The following PDXK variants were observed in gnomAD, a reference collection of about 807,000 sequenced individuals.
PDXK encodes pyridoxal kinase.
A neutral mutation model predicts 43.2 loss-of-function variants in PDXK; 15 were observed. The ratio of observed to expected loss-of-function variants is 0.35; its 90% CI spans 0.23 to 0.53. The LOEUF (loss-of-function observed/expected upper bound fraction) is 0.53. Ranked by LOEUF, PDXK falls within the 20% of genes least tolerant of loss-of-function variation. The probability of loss-of-function intolerance (pLI) is 0.92; values close to 1 mark genes in which losing one functional copy is unlikely to be tolerated. For synonymous variants in PDXK, 172 were observed against 165.4 expected (o/e 1.04, Z -0.31); for missense variants, 343 against 417.0 (o/e 0.82, Z 1.54).
Position 43,758,339 on chromosome 21 carries a change from G to A in PDXK, c.*2276G>A, listed in dbSNP as rs1299241716. On this transcript the variant is annotated 3_prime_UTR_variant, in exon 11 of 11. Transcript: ENST00000291565. Reference sequence around the variant, plus strand: ...TCTTCTGTTTTCTTTGGCTGTATCAGCCGAACCAGGAGAGGCCTGGGCTGC... The same window carrying A: ...TCTTCTGTTTTCTTTGGCTGTATCAACCGAACCAGGAGAGGCCTGGGCTGC... 6.5e-6 allele frequency: 1 copy of A among 153,590 alleles called. No homozygotes were observed. The highest frequency in any genetic ancestry group is 1.9e-4 in the East Asian group (1 of 5,202). The allele number at this position is 153,590 out of a possible 1,614,324, so 9.5% of individuals were successfully genotyped here.
chr21:43,726,833 T>C (rs2083259028), intron 1 of PDXK, among the ~76,000 whole-genome samples: 1 of 151,988 alleles, frequency 6.6e-6, no homozygotes, highest in South Asian at 2.1e-4. Context: ...ACTGTGTGTG[T>C]ATGTGGGTGT....
At chr21:43,740,128 G>A (rs999123064) in intron 2 of PDXK, among the ~76,000 whole-genome samples, 3 of 152,072 alleles carry the variant, frequency 2.0e-5, no homozygotes, top group African/African-American at 7.2e-5. Context: ...GCCCCCAGGT[G>A]CACCCCCCAG....
intron 2 of PDXK, among the ~76,000 whole-genome samples, chr21:43,739,469 T>G (rs2083457194): frequency 6.6e-6 from 1 of 152,204 alleles, no homozygotes; most frequent in South Asian, 2.1e-4. Flanking sequence ...AAAGGTTTAA[T>G]GGACTCACAG....
Position 43,741,825 on chromosome 21 carries a change from G to A in PDXK, c.247+54G>A, listed in dbSNP as rs980515567. On this transcript the variant is annotated intron_variant, in intron 3 of 10. Coordinates refer to ENST00000291565, the MANE Select transcript of PDXK (RefSeq NM_003681.5). ...GACTACGCACCCCACTCCAGCCAGG[G>A]TGGGCTCAGGGAGGTCCAGAGCACC... The A allele has an allele frequency of 2.0e-5, 25 of 1,255,764 alleles. No homozygotes were observed. In the Admixed American group the frequency reaches 2.0e-4, roughly 10 times the overall value. 77.8% of individuals were successfully genotyped at this position (1,255,764 alleles called of 1,614,324 possible).
intron 8 of PDXK, among the ~76,000 whole-genome samples, chr21:43,753,141 C>T (rs890784719): frequency 1.3e-5 from 2 of 152,140 alleles, no homozygotes; most frequent in Non-Finnish European, 2.9e-5. Flanking sequence ...AATGCACATA[C>T]GGGCACACAC....
chr21:43,743,168 TC>T (rs1568985452), intron 3 of PDXK, among the ~76,000 whole-genome samples: 1 of 36,648 alleles, frequency 2.7e-5, no homozygotes, highest in African/African-American at 1.1e-4. Flanking sequence ...TCCCCCCAGC[TC>T]CTGAGCACTA....
At chr21:43,730,102 CTGAT>C (rs140082408) in intron 1 of PDXK, among the ~76,000 whole-genome samples, 2,269 of 151,756 alleles carry the variant, frequency 0.015, 57 homozygotes, top group African/African-American at 0.048. Context: ...TTGCTCATAT[CTGAT>C]TGATTGATTG....
At chr21:43,730,511 A>G (rs1018237797) in intron 1 of PDXK, among the ~76,000 whole-genome samples, 9 of 152,248 alleles carry the variant, frequency 5.9e-5, no homozygotes, top group Admixed American at 2.0e-4. Flanking sequence ...CAACCTGAGC[A>G]GGAAAGAGCT....
In PDXK at chr21:43,734,210, G is replaced by C. The variant is rs183056092; in HGVS notation, c.142+87G>C. 1.6e-6 allele frequency: 2 copies of C among 1,256,750 alleles called. No individual in the cohort carries two copies. The highest frequency in any genetic ancestry group is 2.3e-6 in the Non-Finnish European group (2 of 871,122). The allele number at this position is 1,256,750 out of a possible 1,614,324, so 77.8% of individuals were successfully genotyped here. The stretch of plus-strand genomic sequence containing the variant: ...GTGTGGGTGTGAGGGACGGGGCGGA[G>C]TGTGGGTGTGAGGGACGGGGCTTTC... On this transcript the variant is annotated intron_variant, in intron 2 of 10. Transcript: ENST00000291565. The surrounding 1 kb of genome is among the most constrained non-coding windows in gnomAD (Gnocchi z 5.0).
In PDXK at chr21:43,760,181, G is replaced by GT. The variant is rs546193405; in HGVS notation, c.*4131dup. ...AATCTTGGATTTTTTGTTTTTTTTTGTTTTTTTTTTTTTGAGGTGAAGTCT... is the reference window on the plus strand; with the variant it reads ...AATCTTGGATTTTTTGTTTTTTTTTGTTTTTTTTTTTTTTGAGGTGAAGTCT... On this transcript the variant is annotated 3_prime_UTR_variant, in exon 11 of 11. Coordinates refer to ENST00000291565, the MANE Select transcript of PDXK (RefSeq NM_003681.5). The GT allele has an allele frequency of 0.16, 23,960 of 147,818 alleles. 2,147 individuals are homozygous for GT. Among genetic ancestry groups the GT allele is most frequent in the Middle Eastern group, 0.32 (89 of 282 alleles). The allele number at this position is 147,818 out of a possible 1,614,324, so 9.2% of individuals were successfully genotyped here. A position where few individuals can be genotyped will look rare whatever the true frequency, so the allele number is the denominator to read the frequency against.
rs532886385 is a variant in PDXK at position 43,757,645 on chromosome 21, T to A, written c.*1582T>A. 3.3e-5 allele frequency: 5 copies of A among 152,082 alleles called. No homozygotes were observed. In the South Asian group the frequency reaches 1.0e-3, roughly 32 times the overall value. 9.4% of individuals were successfully genotyped at this position (152,082 alleles called of 1,614,324 possible). A position where few individuals can be genotyped will look rare whatever the true frequency, so the allele number is the denominator to read the frequency against. On this transcript the variant is annotated 3_prime_UTR_variant, in exon 11 of 11. Transcript: ENST00000291565. The stretch of plus-strand genomic sequence containing the variant: ...CCCCACTCTCCCACTCTGTTCGTTC[T>A]GAATGTCTTCACGAGCGTGCATCAG...
chr21:43,755,542 C>T, intron 9 of PDXK, 156 bp from the exon 10 acceptor site: 1 of 692,570 alleles, frequency 1.4e-6, no homozygotes, highest in Non-Finnish European at 2.6e-6. Flanking sequence ...GCAGCCTGTC[C>T]TCCAGGGTTC....
chr21:43,730,208 C>T (rs963314086), intron 1 of PDXK, among the ~76,000 whole-genome samples: 2 of 152,080 alleles, frequency 1.3e-5, no homozygotes. Context: ...TCACTGCAAC[C>T]TCCGCCTCCC....
chr21:43,751,686 G>A (rs1302485872), intron 7 of PDXK, among the ~76,000 whole-genome samples: 1 of 152,226 alleles, frequency 6.6e-6, no homozygotes, highest in Non-Finnish European at 1.5e-5. Flanking sequence ...GCACCTTGTT[G>A]CTGCATCCTC....
chr21:43,739,113 T>G (rs138334220), intron 2 of PDXK, among the ~76,000 whole-genome samples: 2,296 of 152,162 alleles, frequency 0.015, 28 homozygotes, highest in Middle Eastern at 0.071. Flanking sequence ...TTTTTGTATT[T>G]TTAGTAGGGA....
chr21:43,741,659 G>A lies in PDXK; in HGVS notation c.143-8G>A, dbSNP rs557294922. The A allele has an allele frequency of 9.3e-5, 149 of 1,610,558 alleles. 1 individual carries two copies. In the South Asian group the frequency reaches 1.6e-3, roughly 17 times the overall value. ...TGTCTGAGCCCCCATGGCTTCCTCT[G>A]CCTCTAGGCTATGCCCACTGGAAGG... On this transcript the variant is annotated splice_polypyrimidine_tract_variant and splice_region_variant and intron_variant, in intron 2 of 10. Coordinates refer to ENST00000291565, the MANE Select transcript of PDXK (RefSeq NM_003681.5).
intron 7 of PDXK, among the ~76,000 whole-genome samples, chr21:43,752,123 G>T (rs1350304568): frequency 2.0e-5 from 3 of 152,178 alleles, no homozygotes; most frequent in Non-Finnish European, 4.4e-5. Flanking sequence ...GTGTGTGTGT[G>T]TGTGCGCGCG....
chr21:43,737,320 C>T lies in PDXK; in HGVS notation c.142+3197C>T, dbSNP rs563504965. ...CGAGGCTGCTGCTCGCACTTCTGCC[C>T]CTTCCCCCGGCCAGGCCCCCGTTCC... On this transcript the variant is annotated intron_variant, in intron 2 of 10. Transcript: ENST00000291565. This position sits in a 1 kb window ranked among gnomAD's most constrained non-coding sequence, Gnocchi z 4.8. 6.9e-5 allele frequency: 94 copies of T among 1,366,734 alleles called. No individual in the cohort carries two copies. In the East Asian group the frequency reaches 2.0e-3, roughly 29 times the overall value. 84.7% of individuals were successfully genotyped at this position (1,366,734 alleles called of 1,614,324 possible).
Position 43,756,332 on chromosome 21 carries a change from C to A in PDXK, c.*269C>A. The A allele has an allele frequency of 2.8e-6, 1 of 355,344 alleles. No homozygotes were observed. The highest frequency in any genetic ancestry group is 2.8e-5 in the South Asian group (1 of 35,850). 22.0% of individuals were successfully genotyped at this position (355,344 alleles called of 1,614,324 possible). A position where few individuals can be genotyped will look rare whatever the true frequency, so the allele number is the denominator to read the frequency against. Reference sequence around the variant, plus strand: ...TCCGGGAAGACGGGCCCCTGTTTGCCATCTCGGGGGTGTTCCCTGTGGGAG... The same window carrying A: ...TCCGGGAAGACGGGCCCCTGTTTGCAATCTCGGGGGTGTTCCCTGTGGGAG... On this transcript the variant is annotated 3_prime_UTR_variant, in exon 11 of 11. Coordinates refer to ENST00000291565, the MANE Select transcript of PDXK (RefSeq NM_003681.5).
Sources: gnomAD v4.1 joint callset for allele counts (sites outside exome capture counted in the v4.1 genomes callset) on GRCh38, gnomAD v4.1.1 for gene constraint, Gnocchi (gnomAD v3.1) non-coding constraint, MANE v1.5 for transcripts, NCBI Gene and HGNC (gene_info 2026-07-23, HGNC 2026-07-21) for gene names.